Variants in GRM7 observed in about 807,000 individuals in gnomAD.
The protein encoded by GRM7 is metabotropic glutamate receptor 7.
In GRM7, 35 loss-of-function variants were observed where a neutral mutation model predicts 84.5. The ratio of observed to expected loss-of-function variants is 0.41; its 90% CI spans 0.32 to 0.55. The LOEUF is 0.55. GRM7 is among the 20% of genes least tolerant of loss of function. GRM7 has a pLI of 0.19. For synonymous variants in GRM7, 487 were observed against 455.1 expected (o/e 1.07, Z -0.89); for missense variants, 1,003 against 1,194.6 (o/e 0.84, Z 2.36).
chr3:7,661,631 A>C (rs1190328508), intron 8 of GRM7, among the ~76,000 whole-genome samples: 1 of 151,734 alleles, frequency 6.6e-6, no homozygotes, highest in African/African-American at 2.4e-5. Context: ...CGTCTCTACT[A>C]AAAATACAAA....
At chr3:7,246,004 A>T (rs908340235) in intron 2 of GRM7, among the ~76,000 whole-genome samples, 1 of 152,158 alleles carries the variant, frequency 6.6e-6, no homozygotes, top group Non-Finnish European at 1.5e-5. Flanking sequence ...AATTTAAAAT[A>T]ATGTAAATAA....
chr3:7,599,372 T>A (rs2125069087), intron 8 of GRM7, among the ~76,000 whole-genome samples: 1 of 152,234 alleles, frequency 6.6e-6, no homozygotes, highest in South Asian at 2.1e-4. Flanking sequence ...CTATTGTAGG[T>A]CCCCAAAAAG....
chr3:7,569,522 A>T (rs113078063), intron 7 of GRM7, among the ~76,000 whole-genome samples: 13,714 of 152,146 alleles, frequency 0.09, 682 homozygotes, highest in African/African-American at 0.13. Flanking sequence ...GTGGGGCCAG[A>T]TAAGAATAAA....
chr3:7,283,276 G>A (rs1371436093), intron 2 of GRM7, among the ~76,000 whole-genome samples: 3 of 152,074 alleles, frequency 2.0e-5, no homozygotes, highest in African/African-American at 7.2e-5. Context: ...TCCTTAAAAT[G>A]AAGGCAAGAG....
At chr3:7,259,949 A>G (rs1025696537) in intron 2 of GRM7, among the ~76,000 whole-genome samples, 1 of 12,438 alleles carries the variant, frequency 8.0e-5, no homozygotes, top group Non-Finnish European at 1.2e-4. Context: ...CCTTACCAGC[A>G]TCTGTTTTTT....
intron 1 of GRM7, among the ~76,000 whole-genome samples, chr3:6,976,146 C>A (rs1339309306): frequency 3.3e-5 from 5 of 152,126 alleles, no homozygotes; most frequent in African/African-American, 1.2e-4. Flanking sequence ...ACCAGCTCTG[C>A]CCCTATAGCC....
intron 1 of GRM7, among the ~76,000 whole-genome samples, chr3:7,122,869 T>C (rs1286643240): frequency 6.6e-6 from 1 of 152,146 alleles, no homozygotes; most frequent in Non-Finnish European, 1.5e-5. Context: ...ACTAATAAGC[T>C]CTTAACAGGC....
At chr3:7,243,141 G>A (rs1406621344) in intron 2 of GRM7, among the ~76,000 whole-genome samples, 1 of 152,026 alleles carries the variant, frequency 6.6e-6, no homozygotes, top group Non-Finnish European at 1.5e-5. Context: ...CTGAACAGCC[G>A]AAGGGCTCCA....
intron 1 of GRM7, among the ~76,000 whole-genome samples, chr3:6,946,051 C>T (rs929872052): frequency 6.6e-6 from 1 of 152,146 alleles, no homozygotes; most frequent in Non-Finnish European, 1.5e-5. Flanking sequence ...TGTGCAGAAG[C>T]TCTTTAGTTT....
chr3:7,560,843 T>C (rs1197612039), intron 7 of GRM7, among the ~76,000 whole-genome samples: 1 of 152,158 alleles, frequency 6.6e-6, no homozygotes, highest in Non-Finnish European at 1.5e-5. Flanking sequence ...TAACACTTAT[T>C]ATAATACATT....
chr3:6,884,277 G>A (rs1695614993), intron 1 of GRM7: 1 of 152,590 alleles, frequency 6.6e-6, no homozygotes. Flanking sequence ...CCCTGGAACT[G>A]TCCAAAAATG....
intron 2 of GRM7, among the ~76,000 whole-genome samples, chr3:7,250,558 GTGC>G (rs1697944860): frequency 6.6e-6 from 1 of 151,754 alleles, no homozygotes; most frequent in Non-Finnish European, 1.5e-5. Context: ...TCCCCATCCT[GTGC>G]CAACCAGGCT....
intron 2 of GRM7, among the ~76,000 whole-genome samples, chr3:7,171,388 C>A (rs548002578): frequency 5.1e-4 from 78 of 152,150 alleles, no homozygotes; most frequent in African/African-American, 1.6e-3. Flanking sequence ...GATTACCTCT[C>A]CAAAGAGGCT....
At chr3:6,891,798 A>C (rs1352340963) in intron 1 of GRM7, among the ~76,000 whole-genome samples, 1 of 152,136 alleles carries the variant, frequency 6.6e-6, no homozygotes, top group African/African-American at 2.4e-5. Flanking sequence ...AGATTGGGGA[A>C]GTTCTCCTTT....
At chr3:7,377,891 C>T (rs79844744) in intron 4 of GRM7, among the ~76,000 whole-genome samples, 3,098 of 152,176 alleles carry the variant, frequency 0.02, 90 homozygotes, top group African/African-American at 0.068. Flanking sequence ...TGCTAAAAAG[C>T]CTTTGCAAAA....
intron 1 of GRM7, among the ~76,000 whole-genome samples, chr3:7,128,279 G>A (rs1693468277): frequency 6.6e-6 from 1 of 151,702 alleles, no homozygotes; most frequent in Non-Finnish European, 1.5e-5. Context: ...TAGCTGGGAA[G>A]TTATATTTTT....
chr3:7,674,676 C>G (rs1700057479), intron 8 of GRM7, among the ~76,000 whole-genome samples: 1 of 152,120 alleles, frequency 6.6e-6, no homozygotes, highest in Non-Finnish European at 1.5e-5. Context: ...TTATAGTCAC[C>G]ATGTTGTGCA....
intron 4 of GRM7, among the ~76,000 whole-genome samples, chr3:7,339,946 G>A (rs1701574350): frequency 6.6e-6 from 1 of 152,042 alleles, no homozygotes; most frequent in African/African-American, 2.4e-5. Context: ...GGCTTTAAAT[G>A]TAATTATCTA....
At chr3:7,504,536 G>A (rs966426205) in intron 7 of GRM7, among the ~76,000 whole-genome samples, 1 of 152,236 alleles carries the variant, frequency 6.6e-6, no homozygotes, top group Non-Finnish European at 1.5e-5. Context: ...AAGTTCAATA[G>A]CATGGTGTCT....
Sources: allele counts gnomAD v4.1 joint callset (sites outside exome capture counted in the v4.1 genomes callset), GRCh38; gene constraint gnomAD v4.1.1; transcripts MANE v1.5; gene names NCBI Gene and HGNC (gene_info 2026-07-23, HGNC 2026-07-21).